The following MIB1 variants were observed in gnomAD, a reference collection of about 807,000 sequenced individuals.
MIB1 encodes MIB E3 ubiquitin protein ligase 1, also known as E3 ubiquitin-protein ligase MIB1.
Under a neutral mutation model 124.5 loss-of-function variants are expected in MIB1, and 278 were observed. The observed-to-expected ratio is 2.23, with a 90% confidence interval of 2.02 to 2.47. The LOEUF is 2.47. Ranked by LOEUF, MIB1 falls within the 30% of genes most tolerant of loss-of-function variation. The pLI is 0.00. For synonymous variants in MIB1, 446 were observed against 429.4 expected (o/e 1.04, Z -0.48); for missense variants, 957 against 1,254.4 (o/e 0.76, Z 3.58).
chr18:21,794,957 G>A (rs1052455903), intron 7 of MIB1, among the ~76,000 whole-genome samples: 5 of 152,060 alleles, frequency 3.3e-5, no homozygotes, highest in African/African-American at 9.6e-5. Flanking sequence ...CAACCAAAAC[G>A]ACTGTAGAGA....
intron 10 of MIB1, among the ~76,000 whole-genome samples, chr18:21,809,839 G>C (rs2041750891): frequency 1.3e-5 from 2 of 151,982 alleles, no homozygotes; most frequent in African/African-American, 4.8e-5. Flanking sequence ...ATAAGAACAG[G>C]GCAAGGATAC....
At chr18:21,863,785 C>T (rs939676479) in intron 20 of MIB1, among the ~76,000 whole-genome samples, 2 of 152,098 alleles carry the variant, frequency 1.3e-5, no homozygotes, top group African/African-American at 4.8e-5. Context: ...GTGGGCAGAT[C>T]ACGAGGTCAG....
intron 12 of MIB1, chr18:21,826,005 C>T (rs1358441452): frequency 2.0e-5 from 5 of 247,046 alleles, no homozygotes; most frequent in South Asian, 3.8e-5. Context: ...GATCAATGTA[C>T]GTCTTTGTTT....
chr18:21,778,108 T>C lies in MIB1; in HGVS notation c.642T>C (p.Asp214=), dbSNP rs1429438302. ...CTGGTTTCTTTTCTTCTTAGTCTGA[T>C]CTGAAATGTGTCCAGGATGCCAAGG... ...LYRVGFEGMS[D]LKCVQDAKGG... is the part of the protein sequence containing the mutation. Residue 214 remains aspartate (D), a synonymous_variant, in exon 5 of 21, where the codon GAT becomes GAC. Transcript: ENST00000261537. The C allele has an allele frequency of 6.2e-7, 1 of 1,611,428 alleles. No individual in the cohort carries two copies. Among genetic ancestry groups the C allele is most frequent in the African/African-American group, 1.3e-5 (1 of 74,866 alleles).
Position 21,849,295 on chromosome 18 carries a change from TG to T in MIB1, c.2495del (p.Gly832ValfsTer62). 1.9e-6 allele frequency: 3 copies of T among 1,613,118 alleles called. No individual in the cohort carries two copies. The highest frequency in any genetic ancestry group is 2.5e-6 in the Non-Finnish European group (3 of 1,179,274). On this transcript the variant is annotated frameshift_variant, in exon 17 of 21. Transcript: ENST00000261537. LOFTEE classifies it high-confidence loss of function. ...CAGATATGAAGAGAGATACTCTTTT[TG>T]GTCCATGTGGACATATTGCTACCTG... is the stretch of plus-strand genomic sequence containing the variant. ...CSDMKRDTLF[G>X]PCGHIATCSL...
At chr18:21,768,843 T>C (rs960482430) in intron 3 of MIB1, 91 bp downstream of exon 3, 1 of 1,089,744 alleles carries the variant, frequency 9.2e-7, no homozygotes, top group Non-Finnish European at 1.2e-6. Flanking sequence ...TCTTGGTCCA[T>C]TGTTTTCCAT....
intron 7 of MIB1, among the ~76,000 whole-genome samples, 199 bp downstream of exon 7, chr18:21,791,756 GT>G (rs1235592801): frequency 6.6e-6 from 1 of 152,196 alleles, no homozygotes; most frequent in African/African-American, 2.4e-5. Context: ...AAAGGTTACA[GT>G]TAATATTTAA....
upstream of MIB1, among the ~76,000 whole-genome samples, chr18:21,738,442 A>AAATTTATAGCACTAAATG (rs931015208): frequency 6.6e-6 from 1 of 152,196 alleles, no homozygotes; most frequent in African/African-American, 2.4e-5. Context: ...GTGTAGAGGG[A>AAATTTATAGCACTAAATG]AATTTATAGC....
At chr18:21,726,971 GCT>G (rs936549279) in intron 1 of MIB1, among the ~76,000 whole-genome samples, 1 of 152,096 alleles carries the variant, frequency 6.6e-6, no homozygotes, top group Non-Finnish European at 1.5e-5. Context: ...TCCTGGTTCT[GCT>G]CTCAAGGATG....
intron 13 of MIB1, among the ~76,000 whole-genome samples, chr18:21,840,665 A>ATTT (rs375520508): frequency 6.4e-4 from 2 of 3,138 alleles, no homozygotes; most frequent in African/African-American, 8.6e-4. Flanking sequence ...ATATATATAT[A>ATTT]TTTTTTTTTT....
intron 12 of MIB1, chr18:21,829,072 A>G: frequency 2.1e-6 from 1 of 475,352 alleles, no homozygotes; most frequent in South Asian, 1.6e-5. Flanking sequence ...ATAAAGAAGT[A>G]TGTACTCTGA....
intron 2 of MIB1, among the ~76,000 whole-genome samples, chr18:21,768,341 TAAG>T (rs1311295742): frequency 2.0e-5 from 3 of 152,210 alleles, no homozygotes; most frequent in African/African-American, 7.2e-5. Context: ...AACTTTCTCT[TAAG>T]GAGTGTAACA....
intron 1 of MIB1, among the ~76,000 whole-genome samples, chr18:21,762,185 T>C (rs138164736): frequency 2.6e-5 from 4 of 152,294 alleles, no homozygotes; most frequent in East Asian, 1.9e-4. Context: ...GAAAGGGAAA[T>C]ATAAATGGAT....
intron 3 of MIB1, among the ~76,000 whole-genome samples, 181 bp from the exon 4 acceptor site, chr18:21,773,443 T>G (rs2041244612): frequency 6.6e-6 from 1 of 152,222 alleles, no homozygotes; most frequent in African/African-American, 2.4e-5. Flanking sequence ...TGGAAAAATA[T>G]GGCTCTAATG....
chr18:21,814,914 C>A (rs1411223819), intron 10 of MIB1, among the ~76,000 whole-genome samples: 1 of 148,258 alleles, frequency 6.7e-6, no homozygotes, highest in Non-Finnish European at 1.5e-5. Flanking sequence ...ACAACAACAA[C>A]AAAAATGGTC....
At chr18:21,788,363 G>A (rs941034827) in intron 6 of MIB1, among the ~76,000 whole-genome samples, 1 of 151,952 alleles carries the variant, frequency 6.6e-6, no homozygotes, top group African/African-American at 2.4e-5. Context: ...CAAATCTTAC[G>A]AGCATACATG....
rs2042163763 is a variant in MIB1 at position 21,849,456 on chromosome 18, A to C, written c.2586+68A>C. ...GAGACTAGAATTAATGATAAATAAGATTTAATGACATCATGCGTCTGTGTA... is the reference window on the plus strand; with the variant it reads ...GAGACTAGAATTAATGATAAATAAGCTTTAATGACATCATGCGTCTGTGTA... On this transcript the variant is annotated intron_variant, in intron 17 of 20. Coordinates refer to ENST00000261537, the MANE Select transcript of MIB1 (RefSeq NM_020774.4). The C allele has an allele frequency of 3.1e-5, 28 of 901,002 alleles. No homozygotes were observed. In the South Asian group the frequency reaches 6.6e-4, roughly 21 times the overall value. The allele number at this position is 901,002 out of a possible 1,614,324, so 55.8% of individuals were successfully genotyped here.
intron 7 of MIB1, among the ~76,000 whole-genome samples, chr18:21,795,177 T>A (rs1388374240): frequency 6.7e-6 from 1 of 150,216 alleles, no homozygotes. Flanking sequence ...CTAAATATTA[T>A]TATTTTAGAT....
At chr18:21,808,944 T>A (rs971340063) in intron 10 of MIB1, among the ~76,000 whole-genome samples, 3 of 151,574 alleles carry the variant, frequency 2.0e-5, no homozygotes, top group African/African-American at 7.3e-5. Context: ...CATCATTTAA[T>A]TAAAAAAAAA....
Sources: allele counts gnomAD v4.1 joint callset (sites outside exome capture counted in the v4.1 genomes callset), GRCh38; gene constraint gnomAD v4.1.1; transcripts MANE v1.5; gene names NCBI Gene and HGNC (gene_info 2026-07-23, HGNC 2026-07-21).